FLI1: variants seen among roughly 807,000 people sequenced by gnomAD.
FLI1 encodes the protein Fli-1 proto-oncogene, ETS transcription factor.
Under a neutral mutation model 53.1 loss-of-function variants are expected in FLI1, and 13 were observed. The observed-to-expected ratio is 0.24, with a 90% CI of 0.16 to 0.39. The LOEUF (loss-of-function observed/expected upper bound fraction) is 0.39. Ranked by LOEUF, FLI1 falls within the 10% of genes least tolerant of loss-of-function variation. The pLI, the probability that FLI1 is intolerant of heterozygous loss-of-function variation, is 1.00. For missense variants in FLI1, 424 were observed against 600.5 expected (o/e 0.71, Z 3.07); for synonymous variants, 244 against 236.7 (o/e 1.03, Z -0.28).
intron 3 of FLI1, among the ~76,000 whole-genome samples, chr11:128,770,317 G>C (rs1338094162): frequency 6.6e-6 from 1 of 152,194 alleles, no homozygotes; most frequent in Non-Finnish European, 1.5e-5. Flanking sequence ...TTTAGCTCCG[G>C]CTAGATCTTT....
rs574828243 is a variant in FLI1 at position 128,768,126 on chromosome 11, C to A, written c.239C>A (p.Pro80Gln). Residue 80 changes from proline to glutamine, a missense_variant, in exon 3 of 9, where the codon CCG (proline) becomes CAG (glutamine). This residue lies in a region of FLI1 where 137 missense variants were observed against 169.1 expected (regional missense o/e 0.81). Coordinates refer to ENST00000527786, the MANE Select transcript of FLI1 (RefSeq NM_002017.5). ...GTCTCTTCTCACTTTAGGGAGTCTC[C>A]GGTGGACTGCAGCGTTAGCAAATGC... The part of the protein sequence containing the change: ...YDHMNGSRES[P>Q]VDCSVSKCSK... The A allele has an allele frequency of 6.2e-7, 1 of 1,611,982 alleles. No homozygotes were observed. The highest frequency in any genetic ancestry group is 1.7e-5 in the Admixed American group (1 of 59,750).
chr11:128,717,336 A>G (rs138062202), intron 1 of FLI1, among the ~76,000 whole-genome samples: 45 of 152,374 alleles, frequency 3.0e-4, no homozygotes, highest in African/African-American at 1.0e-3. Context: ...AAGCACACGC[A>G]TGATGGTTTT....
chr11:128,753,616 G>A (rs1275210774), intron 1 of FLI1, among the ~76,000 whole-genome samples: 2 of 152,196 alleles, frequency 1.3e-5, no homozygotes, highest in African/African-American at 4.8e-5. Context: ...AGAGTTTTAA[G>A]TTTAAACTTT....
chr11:128,807,164 T>C lies in FLI1; in HGVS notation c.722-16T>C. 6.3e-7 allele frequency: 1 copy of C among 1,578,694 alleles called. No homozygotes were observed. The highest frequency in any genetic ancestry group is 1.2e-5 in the South Asian group (1 of 84,964). On this transcript the variant is annotated splice_polypyrimidine_tract_variant and intron_variant, in intron 6 of 8. Transcript: ENST00000527786. ...GCTGGGTCCTACTCACTGCATTTCT[T>C]TCCCTCTTGCCACAGGTCCTCCCCT...
intron 5 of FLI1, among the ~76,000 whole-genome samples, chr11:128,788,349 G>A (rs193002667): frequency 1.8e-4 from 28 of 152,074 alleles, no homozygotes; most frequent in East Asian, 7.8e-4. Context: ...TGTGCCTGTA[G>A]TCCCAGCTAC....
At chr11:128,804,060 A>T (rs2135912608) in intron 5 of FLI1, 2 of 152,356 alleles carry the variant, frequency 1.3e-5, no homozygotes, top group African/African-American at 2.4e-5. Context: ...TGTAATTTTA[A>T]AACTGAACGG....
chr11:128,740,958 T>C (rs1448903671), intron 1 of FLI1, among the ~76,000 whole-genome samples: 1 of 152,072 alleles, frequency 6.6e-6, no homozygotes, highest in South Asian at 2.1e-4. Context: ...CATGCCAACG[T>C]TGTTGTTAAC....
At chr11:128,736,950 G>A (rs1293760299) in intron 1 of FLI1, among the ~76,000 whole-genome samples, 1 of 152,136 alleles carries the variant, frequency 6.6e-6, no homozygotes, top group Admixed American at 6.5e-5. Flanking sequence ...TCTTCCCAAA[G>A]GAGGCACATT....
At chr11:128,787,494 C>T (rs1942125774) in intron 5 of FLI1, among the ~76,000 whole-genome samples, 1 of 152,126 alleles carries the variant, frequency 6.6e-6, no homozygotes, top group South Asian at 2.1e-4. Flanking sequence ...TTCTTTAATA[C>T]TCTCAATTTA....
At position 128,746,112 on chromosome 11, in the gene FLI1, T is replaced by A. The variant is rs1365506135; in HGVS notation, c.19-12003T>A. Among the ~76,000 whole-genome samples, 6 of 152,060 alleles carry A rather than the reference T, an allele frequency of 3.9e-5. No homozygotes were observed. The East Asian group carries it at 1.2e-3, about 29-fold the overall frequency. ...CAAAGCGCAAAGATAGAAGGGGTAG[T>A]CTGGCTGGTGTGGAGGTGTGGGCAG... On this transcript the variant is annotated intron_variant, in intron 1 of 8. Transcript: ENST00000527786.
chr11:128,751,709 T>C (rs1228274211), intron 1 of FLI1, among the ~76,000 whole-genome samples: 2 of 151,698 alleles, frequency 1.3e-5, no homozygotes, highest in African/African-American at 4.8e-5. Flanking sequence ...TGTATTTTTT[T>C]AGTAGAGACA....
chr11:128,787,344 G>T (rs1942120455), intron 5 of FLI1, among the ~76,000 whole-genome samples: 2 of 152,140 alleles, frequency 1.3e-5, no homozygotes, highest in African/African-American at 2.4e-5. Flanking sequence ...AGATTTCAGG[G>T]TTCCTTAGAA....
intron 4 of FLI1, among the ~76,000 whole-genome samples, chr11:128,776,825 C>A (rs917636432): frequency 6.6e-6 from 1 of 152,158 alleles, no homozygotes; most frequent in African/African-American, 2.4e-5. Flanking sequence ...CTCGCGTTGC[C>A]GACGTTCCCC....
intron 2 of FLI1, among the ~76,000 whole-genome samples, chr11:128,762,676 G>A (rs551855418): frequency 2.6e-5 from 4 of 152,058 alleles, no homozygotes; most frequent in African/African-American, 7.2e-5. Context: ...TATGTAGCTC[G>A]GCCAGGTGTG....
intron 5 of FLI1, among the ~76,000 whole-genome samples, chr11:128,789,421 G>A (rs565323290): frequency 6.6e-6 from 1 of 152,322 alleles, no homozygotes; most frequent in Admixed American, 6.5e-5. Flanking sequence ...GAGTAGGTGG[G>A]CATGGAGCTG....
At chr11:128,722,328 G>C (rs1011376388) in intron 1 of FLI1, among the ~76,000 whole-genome samples, 9 of 152,182 alleles carry the variant, frequency 5.9e-5, no homozygotes, top group Admixed American at 2.0e-4. Context: ...AAGGTCAAGG[G>C]ATGCTTCTCG....
At chr11:128,739,229 G>A (rs1940028974) in intron 1 of FLI1, among the ~76,000 whole-genome samples, 1 of 152,146 alleles carries the variant, frequency 6.6e-6, no homozygotes. Context: ...CCATTCTTAG[G>A]AACGTGGTTC....
intron 1 of FLI1, among the ~76,000 whole-genome samples, chr11:128,756,438 C>T (rs987777485): frequency 6.6e-5 from 10 of 152,178 alleles, no homozygotes; most frequent in Non-Finnish European, 1.0e-4. Flanking sequence ...CTCATTTCAC[C>T]TTACCTCCTT....
intron 1 of FLI1, 109 bp from the exon 2 acceptor site, chr11:128,758,006 C>T: frequency 2.2e-6 from 2 of 915,880 alleles, no homozygotes; most frequent in East Asian, 5.3e-5. Context: ...AACTTCCAGA[C>T]AAGCTGTCCT....
Sources: allele counts gnomAD v4.1 joint callset (sites outside exome capture counted in the v4.1 genomes callset), GRCh38; gene constraint gnomAD v4.1.1; regional missense constraint gnomAD v4.1.1; transcripts MANE v1.5; gene names NCBI Gene and HGNC (gene_info 2026-07-23, HGNC 2026-07-21).